RAI14: variants seen among roughly 807,000 people sequenced by gnomAD.
The protein encoded by RAI14 is ankycorbin.
A neutral mutation model predicts 115.4 loss-of-function variants in RAI14; 45 were observed. That is an observed-to-expected ratio of 0.39 (90% confidence interval 0.31 to 0.50). RAI14 has a LOEUF of 0.50. Ranked by LOEUF, RAI14 falls within the 20% of genes least tolerant of loss-of-function variation. The probability of loss-of-function intolerance (pLI) is 0.85; values close to 1 mark genes in which losing one functional copy is unlikely to be tolerated. For synonymous variants in RAI14, 371 were observed against 415.4 expected, an observed-to-expected ratio of 0.89 and a Z score of 1.30; for missense variants, 939 against 1,131.2, an observed-to-expected ratio of 0.83 and a Z score of 2.44.
intron 2 of RAI14, among the ~76,000 whole-genome samples, chr5:34,700,824 T>C (rs1739972312): frequency 6.6e-6 from 1 of 152,216 alleles, no homozygotes; most frequent in Non-Finnish European, 1.5e-5. Context: ...TTAGCTCAAG[T>C]GGTTGAAGAA....
chr5:34,747,948 A>AT (rs1355264822), intron 2 of RAI14, among the ~76,000 whole-genome samples: 1 of 152,214 alleles, frequency 6.6e-6, no homozygotes, highest in Non-Finnish European at 1.5e-5. Context: ...ATACTATTTA[A>AT]TTACAACCAT....
chr5:34,770,409 AAATT>A (rs1433587460), intron 3 of RAI14, among the ~76,000 whole-genome samples: 2 of 152,234 alleles, frequency 1.3e-5, no homozygotes. Context: ...CATGACCTAA[AAATT>A]AATTCTGTGT....
At chr5:34,805,084 A>T (rs962138239) in intron 5 of RAI14, among the ~76,000 whole-genome samples, 5 of 152,222 alleles carry the variant, frequency 3.3e-5, no homozygotes, top group African/African-American at 4.8e-5. Context: ...GCCTTTAAAC[A>T]GTTCCTTGTG....
At position 34,823,774 on chromosome 5, in the gene RAI14, G is replaced by A. The variant is rs776780259; in HGVS notation, c.1932G>A (p.Gln644=). ...GGATGATAGATGAACTCAATAAACA[G>A]GTGAGCGAGCTGTCACAGCTGTACA... ...MNRMIDELNK[Q]VSELSQLYKE... The change falls in exon 15 of 18, where the codon CAG becomes CAA. Residue 644 remains glutamine, a synonymous_variant. Transcript: ENST00000265109. The surrounding 1 kb of genome is among the most constrained non-coding windows in gnomAD (Gnocchi z 4.5). 6.2e-7 allele frequency: 1 copy of A among 1,614,084 alleles called. No homozygotes were observed. Among genetic ancestry groups the A allele is most frequent in the Admixed American group, 1.7e-5 (1 of 59,998 alleles).
chr5:34,711,912 AT>A (rs994669411), intron 2 of RAI14, among the ~76,000 whole-genome samples: 9 of 151,754 alleles, frequency 5.9e-5, no homozygotes, highest in East Asian at 1.9e-4. Flanking sequence ...TCCTTATTCT[AT>A]TTTTTTTCCT....
chr5:34,796,944 C>T (rs907107261), intron 4 of RAI14, among the ~76,000 whole-genome samples: 3 of 152,070 alleles, frequency 2.0e-5, no homozygotes, highest in Admixed American at 6.6e-5. Flanking sequence ...TTTTAAAGCT[C>T]GCTGGGTGAT....
At chr5:34,660,299 G>A (rs751302673) in intron 1 of RAI14, among the ~76,000 whole-genome samples, 5 of 150,742 alleles carry the variant, frequency 3.3e-5, no homozygotes, top group Non-Finnish European at 7.4e-5. Flanking sequence ...AGGCGTGGTG[G>A]CGCATGCCTG....
intron 2 of RAI14, among the ~76,000 whole-genome samples, chr5:34,696,321 A>G (rs1032330403): frequency 6.6e-6 from 1 of 151,898 alleles, no homozygotes; most frequent in Non-Finnish European, 1.5e-5. Context: ...TATTTTTAGT[A>G]GAGACAGGGT....
intron 3 of RAI14, among the ~76,000 whole-genome samples, chr5:34,787,561 G>A (rs570267909): frequency 5.9e-5 from 9 of 152,316 alleles, no homozygotes; most frequent in African/African-American, 9.6e-5. Context: ...ACTGGAAGTA[G>A]ATTTGTGGTT....
chr5:34,789,571 A>G (rs1391643756), intron 3 of RAI14, among the ~76,000 whole-genome samples: 1 of 152,150 alleles, frequency 6.6e-6, no homozygotes, highest in Non-Finnish European at 1.5e-5. Context: ...TTCAATGGAA[A>G]CACACATAGC....
At chr5:34,813,692 A>G (rs757190692) in intron 11 of RAI14, 32 bp downstream of exon 11, 2 of 1,521,032 alleles carry the variant, frequency 1.3e-6, no homozygotes, top group Non-Finnish European at 1.8e-6. Flanking sequence ...CAATCAATAA[A>G]CGCACCACAA....
chr5:34,822,664 C>CTTTTTTTTTT (rs143092935), intron 14 of RAI14, among the ~76,000 whole-genome samples: 3 of 47,566 alleles, frequency 6.3e-5, no homozygotes, highest in African/African-American at 2.0e-4. Context: ...CCTTTGGTAT[C>CTTTTTTTTTT]TTTTTTTTTT....
rs1048150117 is a variant in RAI14 at position 34,713,815 on chromosome 5, C to CT, written c.36+26868dup. 5.3e-5 allele frequency among the ~76,000 whole-genome samples: 8 copies of CT among 151,878 alleles called. 1 individual carries two copies. The highest frequency in any genetic ancestry group is 1.2e-4 in the African/African-American group (5 of 41,428). On this transcript the variant is annotated intron_variant, in intron 2 of 17. Transcript: ENST00000265109. ...CTGTATTTGAATTTCTTTTCTTTTC[C>CT]TTTTTTTTGAGATGGAGTCTCGCTC...
intron 1 of RAI14, among the ~76,000 whole-genome samples, chr5:34,662,085 G>A (rs957636091): frequency 3.9e-5 from 6 of 152,074 alleles, no homozygotes; most frequent in Non-Finnish European, 5.9e-5. Flanking sequence ...CACTGCCCCC[G>A]GTCCACACTG....
chr5:34,679,656 A>G lies in RAI14; in HGVS notation c.-48-7216A>G, dbSNP rs548629411. On this transcript the variant is annotated intron_variant, in intron 1 of 17. Transcript: ENST00000265109. ...ATTATTGAAAATGGTCAGCATCTTC[A>G]GGTAGGCTTAGCACGTGACTGGGGG... 1.0e-3 allele frequency among the ~76,000 whole-genome samples: 153 copies of G among 152,262 alleles called. 2 individuals are homozygous for G. Among genetic ancestry groups the G allele is most frequent in the Non-Finnish European group, 6.2e-4 (42 of 68,024 alleles).
In RAI14 at chr5:34,757,827, C is replaced by T. The variant is rs1748100252; in HGVS notation, c.167+229C>T. The T allele has an allele frequency of 3.0e-5, 10 of 329,444 alleles. No individual in the cohort carries two copies. In the Admixed American group the frequency reaches 4.8e-4, roughly 16 times the overall value. 20.4% of individuals were successfully genotyped at this position (329,444 alleles called of 1,614,324 possible). On this transcript the variant is annotated intron_variant, in intron 3 of 17. Coordinates refer to ENST00000265109, the MANE Select transcript of RAI14 (RefSeq NM_015577.3). ...TCCCAAGTATAAGCAAAGGTTTTAC[C>T]TCCTAAGATTGCAACCAATTGTAGA...
At chr5:34,707,814 T>C (rs1010827913) in intron 2 of RAI14, among the ~76,000 whole-genome samples, 1 of 152,240 alleles carries the variant, frequency 6.6e-6, no homozygotes, top group African/African-American at 2.4e-5. Context: ...TAATAACCTT[T>C]CCTTGAAATA....
chr5:34,767,403 G>A (rs962000898), intron 3 of RAI14, among the ~76,000 whole-genome samples: 5 of 152,106 alleles, frequency 3.3e-5, no homozygotes, highest in African/African-American at 7.2e-5. Context: ...CCACAGCAGC[G>A]AGCGACCTGC....
intron 1 of RAI14, among the ~76,000 whole-genome samples, chr5:34,665,493 C>CTT (rs761118730): frequency 3.7e-5 from 5 of 134,642 alleles, no homozygotes; most frequent in Admixed American, 7.5e-5. Flanking sequence ...ATTTTTTTTT[C>CTT]TTTTTTTTTT....
Sources: allele counts gnomAD v4.1 joint callset (sites outside exome capture counted in the v4.1 genomes callset), GRCh38; gene constraint gnomAD v4.1.1; non-coding constraint Gnocchi (gnomAD v3.1); transcripts MANE v1.5; gene names NCBI Gene and HGNC (gene_info 2026-07-23, HGNC 2026-07-21).